MRC1: variants seen among roughly 807,000 people sequenced by gnomAD.
MRC1 encodes macrophage mannose receptor 1.
In MRC1, 62 loss-of-function variants were observed where a neutral mutation model predicts 102.9. The ratio of observed to expected loss-of-function variants is 0.60; its 90% CI spans 0.49 to 0.74. The LOEUF (loss-of-function observed/expected upper bound fraction) is 0.74, where lower values mean the gene tolerates loss of function less well. MRC1 is among the 30% of genes least tolerant of loss of function. The pLI, the probability that MRC1 is intolerant of heterozygous loss-of-function variation, is 0.00. For synonymous variants in MRC1, 457 were observed against 298.4 expected (o/e 1.53, Z -5.48); for missense variants, 1,237 against 862.8 (o/e 1.43, Z -5.43).
At chr10:17,811,674 C>T (rs1589160269) in intron 1 of MRC1, among the ~76,000 whole-genome samples, 3 of 152,172 alleles carry the variant, frequency 2.0e-5, no homozygotes, top group Non-Finnish European at 4.4e-5. Context: ...ATCCTCCCAC[C>T]TTGGCCCACT....
chr10:17,851,903 G>T (rs1838923191), intron 7 of MRC1, among the ~76,000 whole-genome samples: 1 of 152,172 alleles, frequency 6.6e-6, no homozygotes, highest in Admixed American at 6.5e-5. Flanking sequence ...AACCGCTTAG[G>T]GAGAATCTTA....
intron 22 of MRC1, among the ~76,000 whole-genome samples, chr10:17,886,288 C>T (rs1833592005): frequency 1.3e-5 from 1 of 74,152 alleles, no homozygotes; most frequent in African/African-American, 3.8e-5. Context: ...TGTTTTCTTC[C>T]TTCCTTCCTT....
Position 17,867,701 on chromosome 10 carries a change from C to T in MRC1, c.1983+940C>T, listed in dbSNP as rs1191887948. On this transcript the variant is annotated intron_variant, in intron 12 of 29. Transcript: ENST00000569591. ...ACTCCAAAAGCTCTGGAATTATAGG[C>T]ATGAGCCAGTGCACCCAGCCTCTTT... Among the ~76,000 whole-genome samples, 13 of 152,306 alleles carry T rather than the reference C, an allele frequency of 8.5e-5. No individual in the cohort carries two copies. The South Asian group carries it at 2.3e-3, about 27-fold the overall frequency.
At position 17,910,426 on chromosome 10, in the gene MRC1, C is replaced by T. The variant is rs974879372; in HGVS notation, c.4332C>T (p.Leu1444=). The change falls in exon 30 of 30, where the codon CTC becomes CTT. Residue 1444 remains leucine, a synonymous_variant. Transcript: ENST00000569591. ...CAGGAACTAGTGATATGAAAGATCT[C>T]GTGGGCAATATTGAACAGAATGAAC... ...SSPGTSDMKD[L]VGNIEQNEHS... 18 of 780,548 alleles carry T rather than the reference C, an allele frequency of 2.3e-5. No individual in the cohort carries two copies. The highest frequency in any genetic ancestry group is 3.6e-5 in the Non-Finnish European group (15 of 417,942). The allele number at this position is 780,548 out of a possible 1,614,324, so 48.4% of individuals were successfully genotyped here.
intron 29 of MRC1, among the ~76,000 whole-genome samples, chr10:17,909,757 T>C (rs1833944486): frequency 6.6e-6 from 1 of 152,002 alleles, no homozygotes; most frequent in African/African-American, 2.4e-5. Context: ...GAAAGTGAGA[T>C]TTATGGCTTG....
At chr10:17,907,406 C>G (rs1833910193) in intron 27 of MRC1, 128 bp from the exon 28 acceptor site, 2 of 712,308 alleles carry the variant, frequency 2.8e-6, no homozygotes, top group Non-Finnish European at 5.1e-6. Flanking sequence ...CCTGTTAAGT[C>G]TGGTTATAAA....
rs1160974857 is a variant in MRC1 at position 17,809,561 on chromosome 10, G to T, written c.61+35G>T. The T allele has an allele frequency of 5.7e-6, 5 of 871,684 alleles. No homozygotes were observed. In the African/African-American group the frequency reaches 6.5e-5, roughly 11 times the overall value. 54.0% of individuals were successfully genotyped at this position (871,684 alleles called of 1,614,324 possible). ...CTCTGAGGCAGGGGATCTCTGACCTGGGGGGCCGGAACCACACCTTCCTCT... is the reference window on the plus strand; with the variant it reads ...CTCTGAGGCAGGGGATCTCTGACCTTGGGGGCCGGAACCACACCTTCCTCT... On this transcript the variant is annotated intron_variant, in intron 1 of 29. Coordinates refer to ENST00000569591, the MANE Select transcript of MRC1 (RefSeq NM_002438.4).
At position 17,845,294 on chromosome 10, in the gene MRC1, C is replaced by T. The variant is rs1838809236; in HGVS notation, c.922C>T (p.Pro308Ser). The part of the protein sequence containing the change: ...FRYLNWLPGS[P>S]SAEPGKSCVS... Reference sequence around the variant, plus strand: ...ACTTTTCCTTTTCCTCGAAGGAAGTCCATCAGCTGAACCTGGAAAAAGCTG... The same window carrying T: ...ACTTTTCCTTTTCCTCGAAGGAAGTTCATCAGCTGAACCTGGAAAAAGCTG... The change falls in exon 6 of 30, where the codon CCA becomes TCA. Residue 308 changes from proline to serine, a missense_variant. By Grantham distance (74) the Pro-to-Ser change is moderately conservative (BLOSUM62 -1). Transcript: ENST00000569591. The T allele has an allele frequency of 1.3e-6, 1 of 780,802 alleles. No individual in the cohort carries two copies. The highest frequency in any genetic ancestry group is 2.4e-5 in the East Asian group (1 of 41,244). 48.4% of individuals were successfully genotyped at this position (780,802 alleles called of 1,614,324 possible). A position where few individuals can be genotyped will look rare whatever the true frequency, so the allele number is the denominator to read the frequency against.
At chr10:17,879,397 C>T (rs1833481516) in intron 18 of MRC1, among the ~76,000 whole-genome samples, 1 of 152,186 alleles carries the variant, frequency 6.6e-6, no homozygotes, top group Non-Finnish European at 1.5e-5. Flanking sequence ...TCTTGTAGCC[C>T]AGGCTGGAGT....
intron 23 of MRC1, among the ~76,000 whole-genome samples, chr10:17,894,944 G>A (rs1833735022): frequency 6.6e-6 from 1 of 152,132 alleles, no homozygotes; most frequent in Admixed American, 6.5e-5. Context: ...AGACTGAGGT[G>A]GGTGGATTGC....
At chr10:17,859,176 A>G (rs1833141888) in intron 9 of MRC1, among the ~76,000 whole-genome samples, 1 of 151,988 alleles carries the variant, frequency 6.6e-6, no homozygotes, top group Non-Finnish European at 1.5e-5. Flanking sequence ...CTTTGTGCAT[A>G]CTATTTTGAT....
chr10:17,832,736 C>A (rs934023735), intron 3 of MRC1, among the ~76,000 whole-genome samples: 1 of 150,882 alleles, frequency 6.6e-6, no homozygotes, highest in Non-Finnish European at 1.5e-5. Context: ...TACAGGCGCC[C>A]GCCACCACGC....
intron 6 of MRC1, among the ~76,000 whole-genome samples, chr10:17,848,881 C>A (rs1589176493): frequency 6.6e-6 from 1 of 152,080 alleles, no homozygotes. Flanking sequence ...GTGGCGGAGG[C>A]TCCTTGGAGA....
chr10:17,820,397 TC>T (rs1416503788), intron 1 of MRC1, among the ~76,000 whole-genome samples: 5 of 152,008 alleles, frequency 3.3e-5, no homozygotes, highest in Admixed American at 2.6e-4. Context: ...TTAAATGCTG[TC>T]TTAGAGTGAA....
intron 26 of MRC1, among the ~76,000 whole-genome samples, chr10:17,904,789 A>G (rs925657392): frequency 5.9e-5 from 9 of 152,330 alleles, no homozygotes; most frequent in African/African-American, 1.9e-4. Flanking sequence ...AGACATGCAC[A>G]TAGCCTTGGG....
In MRC1 at chr10:17,866,607, G is replaced by A; in HGVS notation, c.1829G>A (p.Gly610Asp). 1 of 780,832 alleles carries A rather than the reference G, an allele frequency of 1.3e-6. No homozygotes were observed. The highest frequency in any genetic ancestry group is 2.4e-6 in the Non-Finnish European group (1 of 417,962). The allele number at this position is 780,832 out of a possible 1,614,324, so 48.4% of individuals were successfully genotyped here. A position where few individuals can be genotyped will look rare whatever the true frequency, so the allele number is the denominator to read the frequency against. ...GCCATGAGAACCGGGATTGCAGGGG[G>A]CTTATGGGATGTTTTGAAATGTGAT... ...CVAMRTGIAG[G>D]LWDVLKCDEK... Residue 610 changes from glycine (G) to aspartate (D), a missense_variant, in exon 12 of 30, where the codon GGC (glycine) becomes GAC (aspartate). By Grantham distance (94) the Gly-to-Asp change is moderately conservative. Transcript: ENST00000569591.
At chr10:17,880,921 A>G (rs1048511461) in intron 20 of MRC1, 146 bp from the exon 21 acceptor site, 10 of 702,460 alleles carry the variant, frequency 1.4e-5, no homozygotes, top group East Asian at 1.0e-4. Context: ...AAAACTAACA[A>G]TTTTTTAAAT....
chr10:17,845,712 G>A (rs2130634842), intron 6 of MRC1, among the ~76,000 whole-genome samples: 1 of 152,254 alleles, frequency 6.6e-6, no homozygotes, highest in South Asian at 2.1e-4. Context: ...ACATGCTATA[G>A]TTGAGGAAAA....
At chr10:17,860,274 GTT>G (rs35809277) in intron 9 of MRC1, among the ~76,000 whole-genome samples, 1 of 142,710 alleles carries the variant, frequency 7.0e-6, no homozygotes, top group African/African-American at 2.6e-5. Context: ...TAGCATTTCT[GTT>G]TTTTTTTTTT....
Sources: allele counts gnomAD v4.1 joint callset (sites outside exome capture counted in the v4.1 genomes callset), GRCh38; gene constraint gnomAD v4.1.1; transcripts MANE v1.5; gene names NCBI Gene and HGNC (gene_info 2026-07-23, HGNC 2026-07-21).